The following ITPR1 variants were observed in gnomAD, a reference collection of about 807,000 sequenced individuals.
ITPR1 encodes inositol 1,4,5-trisphosphate receptor type 1, also known as inositol 1,4,5-trisphosphate-gated calcium channel ITPR1.
Under a neutral mutation model 318.4 loss-of-function variants are expected in ITPR1, and 96 were observed. The ratio of observed to expected loss-of-function variants is 0.30; its 90% confidence interval spans 0.26 to 0.36. ITPR1 has a LOEUF of 0.36. ITPR1 is among the 10% of genes least tolerant of loss of function. The pLI, the probability that ITPR1 is intolerant of heterozygous loss-of-function variation, is 1.00. For missense variants in ITPR1, 2,440 were observed against 3,460.2 expected (o/e 0.71, Z 7.40); for synonymous variants, 1,312 against 1,289.9 (o/e 1.02, Z -0.37).
At chr3:4,673,079 C>A in intron 20 of ITPR1, 57 bp from the exon 21 acceptor site, 2 of 1,563,376 alleles carry the variant, frequency 1.3e-6, no homozygotes, top group South Asian at 2.4e-5. Flanking sequence ...GACGACCCTT[C>A]ATTCATCCTG....
At chr3:4,528,261 T>C (rs1402982197) in intron 4 of ITPR1, among the ~76,000 whole-genome samples, 1 of 152,176 alleles carries the variant, frequency 6.6e-6, no homozygotes, top group Non-Finnish European at 1.5e-5. Context: ...AACAGGCAGG[T>C]TAACGTTAGA....
At chr3:4,580,807 C>G (rs1234953625) in intron 4 of ITPR1, among the ~76,000 whole-genome samples, 6 of 150,954 alleles carry the variant, frequency 4.0e-5, no homozygotes, top group Non-Finnish European at 5.9e-5. Context: ...ATGGGGCCGC[C>G]TCTTGGGGAA....
At chr3:4,811,559 C>A in intron 56 of ITPR1, 99 bp downstream of exon 56, 1 of 882,854 alleles carries the variant, frequency 1.1e-6, no homozygotes, top group Non-Finnish European at 1.8e-6. Flanking sequence ...CAGATATCTC[C>A]CCATTGTATC....
intron 8 of ITPR1, among the ~76,000 whole-genome samples, chr3:4,644,951 T>G (rs1414439924): frequency 1.3e-5 from 2 of 152,168 alleles, no homozygotes; most frequent in Admixed American, 6.5e-5. Context: ...TGGCACAGAT[T>G]TAGTGCACAA....
In ITPR1 at chr3:4,684,235, G is replaced by A. The variant is rs199907559; in HGVS notation, c.3499-46G>A. 1.2e-5 allele frequency: 16 copies of A among 1,289,946 alleles called. No homozygotes were observed. The East Asian group carries it at 3.0e-4, about 24-fold the overall frequency. The allele number at this position is 1,289,946 out of a possible 1,614,324, so 79.9% of individuals were successfully genotyped here. On this transcript the variant is annotated intron_variant, in intron 28 of 61. Transcript: ENST00000649015. ...TGCTAACTGTAAAAAACTGACAGTA[G>A]CCCAAGAGTTGTACAGATCACACTT...
rs578155157 is a variant in ITPR1 at position 4,763,152 on chromosome 3, G to A, written c.5545-3378G>A. Among the ~76,000 whole-genome samples, 378 of 152,262 alleles carry A rather than the reference G, an allele frequency of 2.5e-3. 4 individuals carry two copies. The highest frequency in any genetic ancestry group is 5.4e-4 in the Non-Finnish European group (37 of 68,026). ...CATTTACAAGTATGAGCTGAACAAT[G>A]AGAACACATGGACACAGGGAGGGGA... On this transcript the variant is annotated intron_variant, in intron 44 of 61. Coordinates refer to ENST00000649015, the MANE Select transcript of ITPR1 (RefSeq NM_001378452.1).
intron 55 of ITPR1, among the ~76,000 whole-genome samples, chr3:4,809,561 T>C (rs1350531044): frequency 1.3e-5 from 2 of 151,784 alleles, no homozygotes; most frequent in Non-Finnish European, 2.9e-5. Context: ...AGCGAATGTC[T>C]CTAGATGGTG....
chr3:4,790,363 TTATATTATA>T (rs2047476346), intron 52 of ITPR1, among the ~76,000 whole-genome samples: 1 of 152,198 alleles, frequency 6.6e-6, no homozygotes, highest in Non-Finnish European at 1.5e-5. Flanking sequence ...ATGCCAAGAC[TTATATTATA>T]TTGTAGCTAA....
rs149677070 is a variant in ITPR1 at position 4,512,664 on chromosome 3, G to T, written c.-16-3812G>T. The stretch of plus-strand genomic sequence containing the variant: ...TCTTTCAGAATTCCACTTATCTCTC[G>T]TGGAAGAAAAATAAAAATAACTAGC... On this transcript the variant is annotated intron_variant, in intron 2 of 61. Transcript: ENST00000649015. Among the ~76,000 whole-genome samples, 5 of 152,138 alleles carry T rather than the reference G, an allele frequency of 3.3e-5. No homozygotes were observed. In the East Asian group the frequency reaches 9.7e-4, roughly 29 times the overall value.
chr3:4,564,101 C>G (rs1559454802), intron 4 of ITPR1, among the ~76,000 whole-genome samples: 1 of 152,052 alleles, frequency 6.6e-6, no homozygotes, highest in Non-Finnish European at 1.5e-5. Context: ...GCCACCATGC[C>G]CGGCTAATTT....
Position 4,653,917 on chromosome 3 carries a change from A to T in ITPR1, c.996+31A>T, listed in dbSNP as rs142027902. On this transcript the variant is annotated intron_variant, in intron 12 of 61. Coordinates refer to ENST00000649015, the MANE Select transcript of ITPR1 (RefSeq NM_001378452.1). ...TATGGACAAGAGCCTTCTTGTCTTC[A>T]TCTGGTAGGGTGCGGCCAAATGATC... is the stretch of plus-strand genomic sequence containing the variant. 59 of 1,546,238 alleles carry T rather than the reference A, an allele frequency of 3.8e-5. No homozygotes were observed. The Middle Eastern group carries it at 6.8e-4, about 18-fold the overall frequency.
chr3:4,561,298 A>T (rs1236914344), intron 4 of ITPR1, among the ~76,000 whole-genome samples: 1 of 152,168 alleles, frequency 6.6e-6, no homozygotes, highest in East Asian at 1.9e-4. Flanking sequence ...GACGACGTGG[A>T]ATTTCCCATT....
At chr3:4,841,123 C>T (rs1356829803) in intron 61 of ITPR1, among the ~76,000 whole-genome samples, 1 of 152,222 alleles carries the variant, frequency 6.6e-6, no homozygotes, top group Non-Finnish European at 1.5e-5. Context: ...GTTCCTTATA[C>T]TGTGCTGGGA....
chr3:4,620,878 A>G (rs1159274321), intron 4 of ITPR1, among the ~76,000 whole-genome samples: 1 of 151,846 alleles, frequency 6.6e-6, no homozygotes. Flanking sequence ...TGACTTCCTC[A>G]ACTTTCCTCC....
At chr3:4,668,861 G>A (rs748327905) in intron 18 of ITPR1, among the ~76,000 whole-genome samples, 6 of 152,196 alleles carry the variant, frequency 3.9e-5, no homozygotes, top group African/African-American at 7.2e-5. Context: ...TTGGTTGAGC[G>A]TTTTTATTAT....
chr3:4,497,238 C>T (rs73001488), intron 2 of ITPR1, among the ~76,000 whole-genome samples: 4,089 of 152,242 alleles, frequency 0.027, 94 homozygotes, highest in Non-Finnish European at 0.035. Context: ...CCACTGAAAC[C>T]GTCACCCATT....
At chr3:4,775,217 G>A (rs768219358) in intron 46 of ITPR1, 25 bp from the exon 47 acceptor site, 13 of 1,579,046 alleles carry the variant, frequency 8.2e-6, no homozygotes, top group African/African-American at 4.0e-5. Flanking sequence ...TTTGCTCACC[G>A]AACCTGGGGA....
intron 4 of ITPR1, among the ~76,000 whole-genome samples, chr3:4,525,383 C>T (rs1207626409): frequency 6.6e-6 from 1 of 152,158 alleles, no homozygotes; most frequent in African/African-American, 2.4e-5. Context: ...TAGAAGAGTT[C>T]AACATCGAAC....
At chr3:4,842,107 T>C (rs554751068) in intron 61 of ITPR1, among the ~76,000 whole-genome samples, 27 of 152,360 alleles carry the variant, frequency 1.8e-4, no homozygotes, top group African/African-American at 6.5e-4. Context: ...TGCCAGCCTT[T>C]AATCATTTAG....
Sources: gnomAD v4.1 joint callset for allele counts (sites outside exome capture counted in the v4.1 genomes callset) on GRCh38, gnomAD v4.1.1 for gene constraint, MANE v1.5 for transcripts, NCBI Gene and HGNC (gene_info 2026-07-23, HGNC 2026-07-21) for gene names.